The following CAPG variants were observed in gnomAD, a reference collection of about 807,000 sequenced individuals.
The protein encoded by CAPG is capping actin protein, gelsolin like, also known as macrophage-capping protein.
In CAPG, 32 loss-of-function variants were observed where a neutral mutation model predicts 44.6. That is an observed-to-expected ratio of 0.72 (90% CI 0.54 to 0.96). The LOEUF is 0.96. Ranked by LOEUF, CAPG falls within the 50% of genes least tolerant of loss-of-function variation. CAPG has a pLI of 0.00. For missense variants in CAPG, 412 were observed against 438.3 expected (o/e 0.94, Z 0.54); for synonymous variants, 175 against 179.6 (o/e 0.97, Z 0.20).
At chr2:85,393,592 G>A (rs1686463390), downstream of CAPG, among the ~76,000 whole-genome samples, 2 of 149,778 alleles carry the variant, frequency 1.3e-5, no homozygotes, top group African/African-American at 2.5e-5. Context: ...TTTTTGAGTC[G>A]GAGTCTCTGT....
intron 1 of CAPG, among the ~76,000 whole-genome samples, chr2:85,405,296 T>C (rs1687094350): frequency 6.6e-6 from 1 of 152,204 alleles, no homozygotes. Flanking sequence ...GTCGCTTTCA[T>C]AGGTTCCCAT....
chr2:85,401,994 C>G (rs760994722), intron 2 of CAPG, 37 bp from the exon 3 acceptor site: 8 of 1,613,576 alleles, frequency 5.0e-6, no homozygotes, highest in Middle Eastern at 1.6e-4. Flanking sequence ...AGCCTGGACC[C>G]ACTTGCCCAA....
intron 1 of CAPG, among the ~76,000 whole-genome samples, chr2:85,415,636 G>A (rs1273928089): frequency 6.6e-6 from 1 of 152,118 alleles, no homozygotes; most frequent in African/African-American, 2.4e-5. Flanking sequence ...ATAGCGCCCA[G>A]CAGGTAATAG....
Position 85,401,554 on chromosome 2 carries a change from T to C in CAPG, c.326A>G (p.Tyr109Cys). 6.2e-7 allele frequency: 1 copy of C among 1,614,072 alleles called. No individual in the cohort carries two copies. Among genetic ancestry groups the C allele is most frequent in the Non-Finnish European group, 8.5e-7 (1 of 1,179,990 alleles). The change falls in exon 4 of 10, where the codon TAC becomes TGC. Residue 109 changes from tyrosine (Y) to cysteine (C), a missense_variant. By Grantham distance (194) the Tyr-to-Cys change is radical. Coordinates refer to ENST00000263867, the MANE Select transcript of CAPG (RefSeq NM_001747.4). ...QGNESDLFMS[Y>C]FPRGLKYQEG... is the part of the protein sequence containing the mutation. ...CTGGTACTTGAGGCCCCGTGGGAAG[T>C]AGCTCATGAAGAGGTCAGACTCATT...
chr2:85,401,630 G>A lies in CAPG; in HGVS notation c.250C>T (p.Leu84Phe). The A allele has an allele frequency of 6.2e-7, 1 of 1,614,088 alleles. No individual in the cohort carries two copies. Among genetic ancestry groups the A allele is most frequent in the Non-Finnish European group, 8.5e-7 (1 of 1,179,958 alleles). ...QGACAVLAVH[L>F]NTLLGERPVQ... is the part of the protein sequence containing the mutation. Reference sequence around the variant, plus strand: ...GGCCGCTCTCCCAGCAGCGTGTTGAGGTGCACAGCCAGCACGGCACAGGCC... The same window carrying A: ...GGCCGCTCTCCCAGCAGCGTGTTGAAGTGCACAGCCAGCACGGCACAGGCC... The change falls in exon 4 of 10, where the codon CTC (leucine) becomes TTC (phenylalanine). Residue 84 changes from leucine to phenylalanine, a missense_variant. Coordinates refer to ENST00000263867, the MANE Select transcript of CAPG (RefSeq NM_001747.4).
At chr2:85,403,326 A>G (rs73945746) in intron 1 of CAPG, among the ~76,000 whole-genome samples, 5,381 of 152,344 alleles carry the variant, frequency 0.035, 221 homozygotes, top group African/African-American at 0.098. Flanking sequence ...AACAGTGGCC[A>G]TATCTATTAA....
intron 1 of CAPG, among the ~76,000 whole-genome samples, chr2:85,405,626 G>T (rs528060673): frequency 6.6e-6 from 1 of 152,246 alleles, no homozygotes; most frequent in African/African-American, 2.4e-5. Context: ...ACAGGTCAAG[G>T]GCAGTGATAA....
intron 1 of CAPG, among the ~76,000 whole-genome samples, chr2:85,404,211 T>C (rs1197320223): frequency 1.3e-5 from 2 of 150,710 alleles, no homozygotes; most frequent in African/African-American, 4.9e-5. Flanking sequence ...TCCTGCTAAG[T>C]ATGTGCAATT....
Position 85,403,859 on chromosome 2 carries a change from C to T in CAPG, c.-13-1701G>A, listed in dbSNP as rs571013064. 2.0e-4 allele frequency among the ~76,000 whole-genome samples: 28 copies of T among 142,476 alleles called. No individual in the cohort carries two copies. The East Asian group carries it at 5.5e-3, about 28-fold the overall frequency. 93.5% of individuals were successfully genotyped at this position (142,476 alleles called of 152,430 possible). On this transcript the variant is annotated intron_variant, in intron 1 of 9. Coordinates refer to ENST00000263867, the MANE Select transcript of CAPG (RefSeq NM_001747.4). ...CTAAGCCCATGCCATTGTACTCCAG[C>T]CTGGGTGACAGAGTGAGACTCCATC...
At chr2:85,401,739 C>T (rs772994075) in intron 3 of CAPG, 46 bp downstream of exon 3, 1 of 1,612,728 alleles carries the variant, frequency 6.2e-7, no homozygotes, top group South Asian at 1.1e-5. Flanking sequence ...CCAGCCCCCT[C>T]CCTCCCCTTC....
intron 1 of CAPG, among the ~76,000 whole-genome samples, chr2:85,416,511 C>A (rs972589772): frequency 6.6e-6 from 1 of 151,156 alleles, no homozygotes; most frequent in African/African-American, 2.4e-5. Context: ...CCAAATATTC[C>A]TTTTTTTTTC....
chr2:85,412,308 C>T (rs1215569562), upstream of CAPG, among the ~76,000 whole-genome samples: 3 of 152,052 alleles, frequency 2.0e-5, no homozygotes, highest in South Asian at 2.1e-4. Flanking sequence ...GTCAGGAGTT[C>T]GAGACCAGCC....
At chr2:85,418,397 G>C (rs1023439933) in exon 1 of CAPG, 3 of 152,274 alleles carry the variant, frequency 2.0e-5, no homozygotes, top group African/African-American at 4.8e-5. Flanking sequence ...AGAAAAACGA[G>C]GACGCAGGAG....
At chr2:85,419,106 C>G (rs530534236), upstream of CAPG, 1 of 152,436 alleles carries the variant, frequency 6.6e-6, no homozygotes, top group Non-Finnish European at 1.5e-5. Flanking sequence ...CCTGTGTGGC[C>G]GGCAGGACTC....
intron 6 of CAPG, 78 bp downstream of exon 6, chr2:85,399,058 C>T (rs985436015): frequency 6.6e-7 from 1 of 1,518,468 alleles, no homozygotes; most frequent in Non-Finnish European, 9.1e-7. Context: ...CGGCCACTCT[C>T]AGCCCTCAGC....
chr2:85,402,349 T>C (rs989507639), intron 1 of CAPG, among the ~76,000 whole-genome samples, 191 bp from the exon 2 acceptor site: 9 of 152,040 alleles, frequency 5.9e-5, no homozygotes, highest in African/African-American at 2.2e-4. Context: ...ACACAGCTAG[T>C]GAGTGGTTCA....
In CAPG at chr2:85,398,716, T is replaced by G. The variant is rs749845690; in HGVS notation, c.733A>C (p.Asn245His). The change falls in exon 7 of 10, where the codon AAT becomes CAT. Residue 245 changes from asparagine (N) to histidine (H), a missense_variant. Transcript: ENST00000263867. ...TTATACAGAGCTGCGGCCTGGGCAT[T>G]TGCCTTGTCAGCTGTGAGGTCTTCC... ...PEEDLTADKANAQAAALYKVS... is the reference protein window; with the variant it reads ...PEEDLTADKAHAQAAALYKVS... 4.0e-5 allele frequency: 64 copies of G among 1,606,334 alleles called. No individual in the cohort carries two copies. Among genetic ancestry groups the G allele is most frequent in the Non-Finnish European group, 5.3e-5 (62 of 1,176,622 alleles).
At chr2:85,396,592 C>T (rs1004929328) in intron 8 of CAPG, among the ~76,000 whole-genome samples, 4 of 152,176 alleles carry the variant, frequency 2.6e-5, no homozygotes, top group African/African-American at 9.7e-5. Context: ...TCCCAAGTTT[C>T]CTGTTTTTCC....
intron 7 of CAPG, 29 bp downstream of exon 7, chr2:85,398,661 G>C (rs60543339): frequency 6.4e-7 from 1 of 1,555,436 alleles, no homozygotes; most frequent in Non-Finnish European, 8.8e-7. Flanking sequence ...CCCTGCTGCC[G>C]GGTCCCAGGG....
Sources: allele counts gnomAD v4.1 joint callset (sites outside exome capture counted in the v4.1 genomes callset), GRCh38; gene constraint gnomAD v4.1.1; transcripts MANE v1.5; gene names NCBI Gene and HGNC (gene_info 2026-07-23, HGNC 2026-07-21).